The following FBXO42 variants were observed in gnomAD, a reference collection of about 807,000 sequenced individuals.
FBXO42 encodes the protein F-box only protein 42.
FBXO42 carries 12 observed loss-of-function variants against 71.7 expected under a neutral mutation model. That is an observed-to-expected ratio of 0.17 (90% CI 0.11 to 0.27). The LOEUF (loss-of-function observed/expected upper bound fraction) is 0.27, where lower values mean the gene tolerates loss of function less well. Ranked by LOEUF, FBXO42 falls within the 10% of genes least tolerant of loss-of-function variation. The probability of loss-of-function intolerance (pLI) is 1.00; values close to 1 mark genes in which losing one functional copy is unlikely to be tolerated. For missense variants in FBXO42, 707 were observed against 911.9 expected (o/e 0.78, Z 2.89); for synonymous variants, 325 against 327.5 (o/e 0.99, Z 0.08).
intron 3 of FBXO42, among the ~76,000 whole-genome samples, chr1:16,299,902 C>G (rs1274874919): frequency 1.3e-5 from 2 of 152,284 alleles, no homozygotes; most frequent in South Asian, 4.1e-4. Context: ...CTTGGCCTCC[C>G]AAAGTGCTGG....
At chr1:16,306,067 G>A in intron 2 of FBXO42, 148 bp from the exon 3 acceptor site, 2 of 600,686 alleles carry the variant, frequency 3.3e-6, no homozygotes, top group Non-Finnish European at 2.9e-6. Context: ...CTGTCGCCCA[G>A]GTTGGAGTGC....
chr1:16,281,615 T>C (rs2081964947), intron 4 of FBXO42, among the ~76,000 whole-genome samples: 1 of 151,662 alleles, frequency 6.6e-6, no homozygotes, highest in African/African-American at 2.4e-5. Context: ...ACTACAGGTA[T>C]GGATCACCAT....
intron 3 of FBXO42, among the ~76,000 whole-genome samples, chr1:16,298,847 T>C (rs758476823): frequency 6.6e-6 from 1 of 151,898 alleles, no homozygotes; most frequent in Non-Finnish European, 1.5e-5. Flanking sequence ...CTAGTGTCCA[T>C]TATAACATTG....
chr1:16,291,569 A>G (rs1474351990), intron 4 of FBXO42, among the ~76,000 whole-genome samples: 1 of 150,858 alleles, frequency 6.6e-6, no homozygotes, highest in African/African-American at 2.4e-5. Flanking sequence ...TTTAGTAGAG[A>G]TGGGGTTTCG....
chr1:16,289,523 C>A (rs776843216), intron 4 of FBXO42, among the ~76,000 whole-genome samples: 1 of 152,092 alleles, frequency 6.6e-6, no homozygotes, highest in Non-Finnish European at 1.5e-5. Flanking sequence ...TATCTCAACT[C>A]CCCCTGTGCC....
At chr1:16,336,193 C>T (rs181269146) in intron 1 of FBXO42, among the ~76,000 whole-genome samples, 7 of 151,966 alleles carry the variant, frequency 4.6e-5, no homozygotes, top group African/African-American at 1.4e-4. Context: ...CTACCTCAGC[C>T]TCCCGAAGTG....
chr1:16,329,519 G>C (rs1483438055), intron 1 of FBXO42, among the ~76,000 whole-genome samples: 1 of 152,024 alleles, frequency 6.6e-6, no homozygotes, highest in Non-Finnish European at 1.5e-5. Context: ...AAGAGGCAGA[G>C]GTTGCAGTGA....
intron 1 of FBXO42, among the ~76,000 whole-genome samples, chr1:16,343,560 T>G (rs113340254): frequency 0.082 from 12,374 of 151,458 alleles, 691 homozygotes; most frequent in Non-Finnish European, 0.12. Flanking sequence ...AAAATAAAAA[T>G]CAAAAAAATT....
chr1:16,342,396 CAAAA>C (rs34993864), intron 1 of FBXO42, among the ~76,000 whole-genome samples: 2 of 77,818 alleles, frequency 2.6e-5, no homozygotes, highest in Non-Finnish European at 2.4e-5. Context: ...AACTCTGTCT[CAAAA>C]AAAAAAAAAA....
chr1:16,269,276 A>G (rs540175155), intron 4 of FBXO42, among the ~76,000 whole-genome samples: 9 of 148,446 alleles, frequency 6.1e-5, no homozygotes, highest in Non-Finnish European at 1.3e-4. Flanking sequence ...TTTAGTAGAG[A>G]TGAGGTTTTG....
At position 16,252,511 on chromosome 1, in the gene FBXO42, G is replaced by A. The variant is rs1038191007; in HGVS notation, c.922-107C>T. 8.1e-6 allele frequency: 7 copies of A among 865,592 alleles called. No homozygotes were observed. Among genetic ancestry groups the A allele is most frequent in the African/African-American group, 5.0e-5 (3 of 60,470 alleles). 53.6% of individuals were successfully genotyped at this position (865,592 alleles called of 1,614,324 possible). ...CTCTCCTGTCTGGTCTTGAAAGGAT[G>A]TGGACTCTTCAGAAGGATAGCAAAA... On this transcript the variant is annotated intron_variant, in intron 8 of 9. Transcript: ENST00000375592. This position sits in a 1 kb window ranked among gnomAD's most constrained non-coding sequence, Gnocchi z 4.4.
chr1:16,306,598 C>T (rs952698652), intron 2 of FBXO42, among the ~76,000 whole-genome samples: 1 of 152,110 alleles, frequency 6.6e-6, no homozygotes, highest in Non-Finnish European at 1.5e-5. Flanking sequence ...ATGTCTAGAA[C>T]ATAACAGGTG....
Position 16,269,712 on chromosome 1 carries a change from A to G in FBXO42, c.503-12953T>C, listed in dbSNP as rs540530566. ...AGCTAATTTTGTATTTTTAGTGGAG[A>G]CGGGGTTTCTCCATGTTGGTCAGGC... is the stretch of plus-strand genomic sequence containing the variant. On this transcript the variant is annotated intron_variant, in intron 4 of 9. Transcript: ENST00000375592. 8.6e-5 allele frequency among the ~76,000 whole-genome samples: 13 copies of G among 151,140 alleles called. No homozygotes were observed. In the East Asian group the frequency reaches 2.6e-3, roughly 30 times the overall value.
intron 1 of FBXO42, among the ~76,000 whole-genome samples, chr1:16,328,435 G>A (rs1027191178): frequency 6.6e-6 from 1 of 152,306 alleles, no homozygotes; most frequent in Admixed American, 6.5e-5. Flanking sequence ...GGCATTGAAC[G>A]ATTAAGTAAA....
chr1:16,270,381 A>G (rs2081826621), intron 4 of FBXO42, among the ~76,000 whole-genome samples: 1 of 152,222 alleles, frequency 6.6e-6, no homozygotes, highest in Admixed American at 6.6e-5. Flanking sequence ...GGAGTTAGGC[A>G]GCAGTAAATG....
At position 16,250,942 on chromosome 1, in the gene FBXO42, A is replaced by T; in HGVS notation, c.1882T>A (p.Ser628Thr). The T allele has an allele frequency of 6.2e-7, 1 of 1,614,062 alleles. No homozygotes were observed. The highest frequency in any genetic ancestry group is 8.5e-7 in the Non-Finnish European group (1 of 1,180,022). Residue 628 changes from serine to threonine, a missense_variant, in exon 10 of 10, where the codon TCC becomes ACC. By Grantham distance (58) the Ser-to-Thr change is moderately conservative (BLOSUM62 1). This residue lies in a region of FBXO42 where 482 missense variants were observed against 587.1 expected (regional missense o/e 0.82). Transcript: ENST00000375592. The surrounding 1 kb of genome is among the most constrained non-coding windows in gnomAD (Gnocchi z 4.7). The part of the protein sequence containing the change: ...ARRLGHHPPQ[S>T]LNVGKPLYQS... The stretch of plus-strand genomic sequence containing the variant: ...TATAGGGGTTTGCCAACATTTAGGG[A>T]CTGTGGAGGGTGGTGGCCCAGGCGG...
At chr1:16,335,618 C>A (rs1478554125) in intron 1 of FBXO42, among the ~76,000 whole-genome samples, 1 of 151,960 alleles carries the variant, frequency 6.6e-6, no homozygotes, top group Non-Finnish European at 1.5e-5. Flanking sequence ...GTAATCCTAC[C>A]ACTTTGGGAG....
rs532744461 is a variant in FBXO42 at position 16,251,562 on chromosome 1, G to A, written c.1262C>T (p.Ser421Leu). The A allele has an allele frequency of 1.9e-6, 3 of 1,614,160 alleles. No homozygotes were observed. The South Asian group carries it at 3.3e-5, about 18-fold the overall frequency. ...GGAAAGGCTCCCTTCCCGGGAACCT[G>A]AAGGAGTCTGCCTTTGAGCCCTGGG... ...LRPRAQRQTP[S>L]GSREGSLSPA... The change falls in exon 10 of 10, where the codon TCA becomes TTA. Residue 421 changes from serine (S) to leucine (L), a missense_variant. Around this residue, in one of 5 missense-constraint regions of FBXO42, gnomAD observed 482 missense variants for 587.1 expected, o/e 0.82. Coordinates refer to ENST00000375592, the MANE Select transcript of FBXO42 (RefSeq NM_018994.3). This position sits in a 1 kb window ranked among gnomAD's most constrained non-coding sequence, Gnocchi z 4.5.
intron 1 of FBXO42, 61 bp downstream of exon 1, chr1:16,352,194 G>T (rs1295488850): frequency 1.5e-5 from 6 of 393,172 alleles, no homozygotes; most frequent in Non-Finnish European, 1.3e-5. Flanking sequence ...GCCAGTCCCG[G>T]GCATAAAGGG....
Sources: gnomAD v4.1 joint callset for allele counts (sites outside exome capture counted in the v4.1 genomes callset) on GRCh38, gnomAD v4.1.1 for gene constraint, gnomAD v4.1.1 regional missense constraint, Gnocchi (gnomAD v3.1) non-coding constraint, MANE v1.5 for transcripts, NCBI Gene and HGNC (gene_info 2026-07-23, HGNC 2026-07-21) for gene names.